CDH1: variants seen among roughly 807,000 people sequenced by gnomAD.
CDH1 encodes the protein cadherin-1.
In CDH1, 35 loss-of-function variants were observed where a neutral mutation model predicts 84.5. That is an observed-to-expected ratio of 0.41 (90% CI 0.32 to 0.55). The LOEUF (loss-of-function observed/expected upper bound fraction) is 0.55, where lower values mean the gene tolerates loss of function less well. Among genes scored for constraint, CDH1 ranks in the 20% least tolerant of loss-of-function variants. The pLI, the probability that CDH1 is intolerant of heterozygous loss-of-function variation, is 0.19. For missense variants in CDH1, 994 were observed against 1,126.6 expected (o/e 0.88, Z 1.68); for synonymous variants, 417 against 439.0 (o/e 0.95, Z 0.63).
intron 2 of CDH1, among the ~76,000 whole-genome samples, chr16:68,777,291 T>C (rs924617148): frequency 2.0e-5 from 3 of 152,244 alleles, no homozygotes; most frequent in Non-Finnish European, 2.9e-5. Flanking sequence ...TTGTAAGTTA[T>C]GTGACCTTGG....
chr16:68,757,929 G>A (rs1330905505), intron 2 of CDH1, among the ~76,000 whole-genome samples: 1 of 149,596 alleles, frequency 6.7e-6, no homozygotes, highest in African/African-American at 2.5e-5. Flanking sequence ...CTCCCAAGTA[G>A]CTGGGACTAC....
chr16:68,738,899 G>A (rs1196224332), intron 2 of CDH1, among the ~76,000 whole-genome samples: 1 of 138,100 alleles, frequency 7.2e-6, no homozygotes, highest in African/African-American at 2.8e-5. Context: ...CCCTCTCTTG[G>A]TTACTGGGCT....
chr16:68,755,735 A>C (rs988449246), intron 2 of CDH1, among the ~76,000 whole-genome samples: 1 of 151,668 alleles, frequency 6.6e-6, no homozygotes, highest in Non-Finnish European at 1.5e-5. Context: ...CCCAAGAGGA[A>C]TATTGCTCCA....
rs746274636 is a variant in CDH1, at chr16:68,829,703, T to C, written c.2345T>C (p.Val782Ala). 1 of 1,614,126 alleles carries C rather than the reference T, an allele frequency of 6.2e-7. No individual in the cohort carries two copies. Among genetic ancestry groups the C allele is most frequent in the South Asian group, 1.1e-5 (1 of 91,078 alleles). Residue 782 changes from valine to alanine, a missense_variant, in exon 15 of 16, where the codon GTG (valine) becomes GCG (alanine). By Grantham distance (64) the Val-to-Ala change is moderately conservative (BLOSUM62 0). This residue lies in a region of CDH1 where 769 missense variants were observed against 881.8 expected (regional missense o/e 0.87). Coordinates refer to ENST00000261769, the MANE Select transcript of CDH1 (RefSeq NM_004360.5). The stretch of plus-strand genomic sequence containing the variant: ...AGGGGCCTGGACGCTCGGCCTGAAG[T>C]GACTCGTAACGACGTTGCACCAACC... ...LHRGLDARPE[V>A]TRNDVAPTLM...
At chr16:68,824,137 A>T (rs1302931366) in intron 13 of CDH1, among the ~76,000 whole-genome samples, 1 of 151,330 alleles carries the variant, frequency 6.6e-6, no homozygotes, top group East Asian at 1.9e-4. Flanking sequence ...AGCTGGGACT[A>T]TGGGCATGTG....
chr16:68,780,518 G>T (rs1183600916), intron 2 of CDH1, among the ~76,000 whole-genome samples: 1 of 152,258 alleles, frequency 6.6e-6, no homozygotes, highest in East Asian at 1.9e-4. Context: ...TGGCCAGGCT[G>T]ATTTCAAGTG....
At chr16:68,781,334 C>G (rs1442253371) in intron 2 of CDH1, among the ~76,000 whole-genome samples, 1 of 152,142 alleles carries the variant, frequency 6.6e-6, no homozygotes, top group East Asian at 1.9e-4. Context: ...CTCAGTATGT[C>G]TTTTACTTTT....
intron 14 of CDH1, among the ~76,000 whole-genome samples, chr16:68,828,649 A>G (rs35872566): frequency 0.022 from 3,342 of 152,308 alleles, 83 homozygotes; most frequent in African/African-American, 0.061. Flanking sequence ...CGTGAACTTC[A>G]GCCAGATTCT....
Position 68,738,947 on chromosome 16 carries a change from T to TG in CDH1, c.163+536_163+537insG, listed in dbSNP as rs1962481927. Among the ~76,000 whole-genome samples, 2 of 82,756 alleles carry TG rather than the reference T, an allele frequency of 2.4e-5. 1 individual carries two copies. The highest frequency in any genetic ancestry group is 5.2e-5 in the Non-Finnish European group (2 of 38,262). The allele number at this position is 82,756 out of a possible 152,430, so 54.3% of individuals were successfully genotyped here. A position where few individuals can be genotyped will look rare whatever the true frequency, so the allele number is the denominator to read the frequency against. On this transcript the variant is annotated intron_variant, in intron 2 of 15. Coordinates refer to ENST00000261769, the MANE Select transcript of CDH1 (RefSeq NM_004360.5). ...TACAGATATAAAAGCTTTTTTTTTT[T>TG]TTTTTTTTTTTTTTTTTAAAGACAG...
chr16:68,738,141 A>G (rs1446515847), intron 1 of CDH1, among the ~76,000 whole-genome samples, 156 bp from the exon 2 acceptor site: 2 of 144,152 alleles, frequency 1.4e-5, no homozygotes, highest in African/African-American at 5.2e-5. Flanking sequence ...GGGGTGGGGG[A>G]GGGTGACGTC....
Position 68,741,199 on chromosome 16 carries a change from C to G in CDH1, c.163+2788C>G, listed in dbSNP as rs189195202. Among the ~76,000 whole-genome samples the G allele has an allele frequency of 8.5e-5, 13 of 152,240 alleles. No individual in the cohort carries two copies. In the East Asian group the frequency reaches 2.5e-3, roughly 29 times the overall value. On this transcript the variant is annotated intron_variant, in intron 2 of 15. Transcript: ENST00000261769. The stretch of plus-strand genomic sequence containing the variant: ...ATGTTCACAGACCCCCACCCCCACA[C>G]AACAGATTTCCTGACATTTAATATT...
intron 13 of CDH1, among the ~76,000 whole-genome samples, chr16:68,824,719 C>A (rs2152140184): frequency 6.6e-6 from 1 of 152,294 alleles, no homozygotes; most frequent in East Asian, 1.9e-4. Context: ...TGGAGCCCAC[C>A]TGGAGTGAGC....
At chr16:68,757,767 CTCCTT>C (rs1488936014) in intron 2 of CDH1, among the ~76,000 whole-genome samples, 20 of 148,036 alleles carry the variant, frequency 1.4e-4, no homozygotes, top group Non-Finnish European at 2.4e-4. Context: ...TTCTCTCTCT[CTCCTT>C]CCTTCCTTCC....
intron 2 of CDH1, chr16:68,742,633 G>C (rs1193875983): frequency 1.3e-5 from 2 of 152,472 alleles, no homozygotes; most frequent in Non-Finnish European, 2.9e-5. Context: ...TTGTTGCCCA[G>C]GCTGGGCAAA....
At chr16:68,813,672 A>G (rs1960907711) in intron 9 of CDH1, 177 bp downstream of exon 9, 10 of 760,702 alleles carry the variant, frequency 1.3e-5, no homozygotes, top group South Asian at 1.2e-4. Context: ...GTAAGAAATC[A>G]AGAAACTGTG....
chr16:68,797,403 C>T, intron 2 of CDH1, among the ~76,000 whole-genome samples: 1 of 151,778 alleles, frequency 6.6e-6, no homozygotes, highest in Non-Finnish European at 1.5e-5. Context: ...TAAAATGAGG[C>T]TGGGCTCAGT....
At chr16:68,824,168 TG>T (rs1434504645) in intron 13 of CDH1, among the ~76,000 whole-genome samples, 2 of 151,978 alleles carry the variant, frequency 1.3e-5, no homozygotes, top group African/African-American at 2.4e-5. Flanking sequence ...CAGCTAATTT[TG>T]TATTTTCAGT....
chr16:68,806,762 A>T (rs1960673718), intron 3 of CDH1, among the ~76,000 whole-genome samples: 1 of 152,224 alleles, frequency 6.6e-6, no homozygotes, highest in Admixed American at 6.5e-5. Context: ...GAGGATTCAA[A>T]GCCAGGCAGT....
At chr16:68,783,897 G>A (rs1011569742) in intron 2 of CDH1, among the ~76,000 whole-genome samples, 1 of 152,060 alleles carries the variant, frequency 6.6e-6, no homozygotes, top group Non-Finnish European at 1.5e-5. Context: ...GGCTGGTCCT[G>A]AACTCCTGAC....
Sources: allele counts gnomAD v4.1 joint callset (sites outside exome capture counted in the v4.1 genomes callset), GRCh38; gene constraint gnomAD v4.1.1; regional missense constraint gnomAD v4.1.1; transcripts MANE v1.5; gene names NCBI Gene and HGNC (gene_info 2026-07-23, HGNC 2026-07-21).